Variants in TEX264 observed in about 807,000 individuals in gnomAD.
TEX264 encodes testis-expressed protein 264.
A neutral mutation model predicts 23.4 loss-of-function variants in TEX264; 13 were observed. The ratio of observed to expected loss-of-function variants is 0.56; its 90% CI spans 0.36 to 0.88. The LOEUF (loss-of-function observed/expected upper bound fraction) is 0.88. Ranked by LOEUF, TEX264 falls within the 40% of genes least tolerant of loss-of-function variation. The probability of loss-of-function intolerance (pLI) is 0.01; values close to 1 mark genes in which losing one functional copy is unlikely to be tolerated. For synonymous variants in TEX264, 159 were observed against 170.0 expected, an observed-to-expected ratio of 0.94 and a Z score of 0.50; for missense variants, 340 against 406.8, an observed-to-expected ratio of 0.84 and a Z score of 1.41.
chr3:51,703,144 C>A lies in TEX264; in HGVS notation c.650-580C>A, dbSNP rs1559686103. ...CCTCGTACTTCAGCTCCCTCCTCAACTGGGACTTGGTGTGTACCAGAGGCA... is the reference window on the plus strand; with the variant it reads ...CCTCGTACTTCAGCTCCCTCCTCAAATGGGACTTGGTGTGTACCAGAGGCA... On this transcript the variant is annotated intron_variant, in intron 4 of 4. Coordinates refer to ENST00000341333, the MANE Select transcript of TEX264 (RefSeq NM_015926.6). This position sits in a 1 kb window ranked among gnomAD's most constrained non-coding sequence, Gnocchi z 4.8. Among the ~76,000 whole-genome samples, 1 of 152,236 alleles carries A rather than the reference C, an allele frequency of 6.6e-6. No individual in the cohort carries two copies. The highest frequency in any genetic ancestry group is 2.4e-5 in the African/African-American group (1 of 41,470).
At chr3:51,701,322 CT>C (rs398062322) in intron 4 of TEX264, among the ~76,000 whole-genome samples, 116 of 143,510 alleles carry the variant, frequency 8.1e-4, no homozygotes, top group Middle Eastern at 3.6e-3. Context: ...TATTGCATTC[CT>C]TTTTTTTTTT....
chr3:51,693,947 T>C (rs1197395627), intron 3 of TEX264, among the ~76,000 whole-genome samples: 1 of 152,094 alleles, frequency 6.6e-6, no homozygotes, highest in Non-Finnish European at 1.5e-5. Context: ...TCCTTTCCAG[T>C]TCCTCACTTC....
rs758436907 is a variant in TEX264, at chr3:51,703,815, G to C, written c.741G>C (p.Ala247=). 1 of 1,612,138 alleles carries C rather than the reference G, an allele frequency of 6.2e-7. No homozygotes were observed. The highest frequency in any genetic ancestry group is 8.5e-7 in the Non-Finnish European group (1 of 1,178,648). The change falls in exon 5 of 5, where the codon GCG becomes GCC. Residue 247 remains alanine, a synonymous_variant. Transcript: ENST00000341333. The surrounding 1 kb of genome is among the most constrained non-coding windows in gnomAD (Gnocchi z 4.8). ...CAGCTGCCACACTGTCACCTGGGGCGAGCAGCCGTGGCTGGGATGACGGTG... is the reference window on the plus strand; with the variant it reads ...CAGCTGCCACACTGTCACCTGGGGCCAGCAGCCGTGGCTGGGATGACGGTG... The part of the protein sequence containing the change: ...ETSAATLSPG[A]SSRGWDDGDT...
chr3:51,694,085 G>GTCCTTCCTTCCTTCCTTCCTTCCT (rs60670569), intron 3 of TEX264, among the ~76,000 whole-genome samples: 37 of 85,324 alleles, frequency 4.3e-4, no homozygotes, highest in Non-Finnish European at 6.6e-4. Context: ...CCTTCCGTCC[G>GTCCTTCCTTCCTTCCTTCCTTCCT]TCCTTCCTTC....
chr3:51,704,178 CT>C lies in TEX264; in HGVS notation c.*165del. ...CTTGCTAAGCCTTCTCCTCACTGCC[CT>C]TTAGGCTCCCAGGGCCAGAGGAGCC... On this transcript the variant is annotated 3_prime_UTR_variant, in exon 5 of 5. Transcript: ENST00000341333. 1 of 588,990 alleles carries C rather than the reference CT, an allele frequency of 1.7e-6. No homozygotes were observed. The highest frequency in any genetic ancestry group is 2.5e-6 in the Non-Finnish European group (1 of 396,096). The allele number at this position is 588,990 out of a possible 1,614,324, so 36.5% of individuals were successfully genotyped here.
chr3:51,703,800 A>T lies in TEX264; in HGVS notation c.726A>T (p.Thr242=). The change falls in exon 5 of 5, where the codon ACA becomes ACT. Residue 242 remains threonine, a synonymous_variant. Transcript: ENST00000341333. The surrounding 1 kb of genome is among the most constrained non-coding windows in gnomAD (Gnocchi z 4.8). The part of the protein sequence containing the change: ...SPGSRETSAA[T]LSPGASSRGW... ...GCAGCCGGGAGACTTCAGCTGCCAC[A>T]CTGTCACCTGGGGCGAGCAGCCGTG... The T allele has an allele frequency of 6.2e-7, 1 of 1,610,124 alleles. No homozygotes were observed. Among genetic ancestry groups the T allele is most frequent in the Non-Finnish European group, 8.5e-7 (1 of 1,176,872 alleles).
intron 3 of TEX264, among the ~76,000 whole-genome samples, chr3:51,693,175 C>A (rs116256490): frequency 1.3e-3 from 202 of 152,330 alleles, no homozygotes; most frequent in African/African-American, 4.8e-3. Context: ...TGCGTCGTGC[C>A]AGGGAGATGA....
At chr3:51,694,671 T>C (rs1001321057) in intron 3 of TEX264, 5 of 152,230 alleles carry the variant, frequency 3.3e-5, no homozygotes, top group Non-Finnish European at 7.3e-5. Context: ...CTGCCTGGGG[T>C]GCTCTCTGCC....
In TEX264 at chr3:51,696,409, A is replaced by G. The variant is rs141427440; in HGVS notation, c.481-2997A>G. ...AGGCAGCTGGCCTCGCCTTCCTCCA[A>G]TGATTTTCCAATATTTACTGGCTCA... On this transcript the variant is annotated intron_variant, in intron 3 of 4. Coordinates refer to ENST00000341333, the MANE Select transcript of TEX264 (RefSeq NM_015926.6). Among the ~76,000 whole-genome samples the G allele has an allele frequency of 5.9e-3, 899 of 152,270 alleles. 10 individuals carry two copies. Among genetic ancestry groups the G allele is most frequent in the African/African-American group, 0.02 (839 of 41,548 alleles).
In TEX264 at chr3:51,677,838, G is replaced by C. The variant is rs1702282726; in HGVS notation, c.258+3276G>C. Among the ~76,000 whole-genome samples the C allele has an allele frequency of 2.0e-5, 3 of 152,188 alleles. No individual in the cohort carries two copies. In the South Asian group the frequency reaches 6.2e-4, roughly 32 times the overall value. On this transcript the variant is annotated intron_variant, in intron 2 of 4. Transcript: ENST00000341333. Reference sequence around the variant, plus strand: ...AAGAGGCTGCAGGTCTGGGTGAGTGGTTCTTGTGAGGCAGGAGGAAGGATT... The same window carrying C: ...AAGAGGCTGCAGGTCTGGGTGAGTGCTTCTTGTGAGGCAGGAGGAAGGATT...
At chr3:51,696,848 A>G (rs1703077259) in intron 3 of TEX264, among the ~76,000 whole-genome samples, 2 of 152,178 alleles carry the variant, frequency 1.3e-5, no homozygotes, top group Non-Finnish European at 2.9e-5. Flanking sequence ...AATTAGCTCC[A>G]TGCCTCCCTC....
intron 3 of TEX264, among the ~76,000 whole-genome samples, chr3:51,697,034 GT>G (rs995636668): frequency 6.6e-6 from 1 of 152,218 alleles, no homozygotes; most frequent in African/African-American, 2.4e-5. Context: ...CAGGGCCACA[GT>G]TTTCTCTCCA....
At position 51,686,554 on chromosome 3, in the gene TEX264, C is replaced by CA. The variant is rs1008080636; in HGVS notation, c.480+1921dup. 1.3e-5 allele frequency among the ~76,000 whole-genome samples: 2 copies of CA among 151,976 alleles called. No individual in the cohort carries two copies. The highest frequency in any genetic ancestry group is 4.8e-5 in the African/African-American group (2 of 41,346). ...GAAGACCTGGAAAGGGGAGGGCTGT[C>CA]ACGGTGATAAGGCAAGGGCACAGGG... On this transcript the variant is annotated intron_variant, in intron 3 of 4. Transcript: ENST00000341333. This position sits in a 1 kb window ranked among gnomAD's most constrained non-coding sequence, Gnocchi z 4.1.
chr3:51,690,389 G>A (rs934659868), intron 3 of TEX264, among the ~76,000 whole-genome samples: 3 of 152,100 alleles, frequency 2.0e-5, no homozygotes, highest in Non-Finnish European at 2.9e-5. Context: ...AAAATCAGCT[G>A]GGCTTGGTGG....
Position 51,674,404 on chromosome 3 carries a change from G to A in TEX264, c.100G>A (p.Val34Met), listed in dbSNP as rs1702159525. ...FAGYSGLLAG[V>M]EVSAGSPPIR... The stretch of plus-strand genomic sequence containing the variant: ...CGGGTACTCAGGGCTACTGGCTGGG[G>A]TGGAAGTGAGTGCTGGGTCACCCCC... The change falls in exon 2 of 5, where the codon GTG becomes ATG. Residue 34 changes from valine to methionine, a missense_variant. Physicochemically the swap from Val to Met is conservative, Grantham distance 21 (BLOSUM62 1). Coordinates refer to ENST00000341333, the MANE Select transcript of TEX264 (RefSeq NM_015926.6). 1 of 1,614,246 alleles carries A rather than the reference G, an allele frequency of 6.2e-7. No homozygotes were observed. The highest frequency in any genetic ancestry group is 8.5e-7 in the Non-Finnish European group (1 of 1,180,050).
intron 2 of TEX264, chr3:51,682,700 A>G (rs982915795): frequency 3.9e-5 from 6 of 152,220 alleles, no homozygotes; most frequent in African/African-American, 1.4e-4. Context: ...GTCTAGAATC[A>G]CACGACTCAG....
intron 2 of TEX264, among the ~76,000 whole-genome samples, chr3:51,680,037 G>A (rs912972034): frequency 3.3e-5 from 5 of 152,154 alleles, no homozygotes; most frequent in Non-Finnish European, 1.5e-5. Context: ...TATTCCCTTG[G>A]GAGTACAAGT....
intron 2 of TEX264, chr3:51,681,508 G>A (rs1416972175): frequency 6.6e-6 from 1 of 152,388 alleles, no homozygotes; most frequent in East Asian, 1.9e-4. Flanking sequence ...GTTGAGCTGA[G>A]TCTTGCAGGA....
rs1172473678 is a variant in TEX264 at position 51,703,512 on chromosome 3, C to T, written c.650-212C>T. Among the ~76,000 whole-genome samples, 2 of 148,882 alleles carry T rather than the reference C, an allele frequency of 1.3e-5. No individual in the cohort carries two copies. Among genetic ancestry groups the T allele is most frequent in the South Asian group, 2.2e-4 (1 of 4,616 alleles). On this transcript the variant is annotated intron_variant, in intron 4 of 4. Coordinates refer to ENST00000341333, the MANE Select transcript of TEX264 (RefSeq NM_015926.6). This position sits in a 1 kb window ranked among gnomAD's most constrained non-coding sequence, Gnocchi z 4.8. Reference sequence around the variant, plus strand: ...CTCCTCCCACCCTCTCTCCCTCCCTCCCTCCTTCCCTCCCTCCCTTCCTCC... The same window carrying T: ...CTCCTCCCACCCTCTCTCCCTCCCTTCCTCCTTCCCTCCCTCCCTTCCTCC...
Sources: gnomAD v4.1 joint callset for allele counts (sites outside exome capture counted in the v4.1 genomes callset) on GRCh38, gnomAD v4.1.1 for gene constraint, Gnocchi (gnomAD v3.1) non-coding constraint, MANE v1.5 for transcripts, NCBI Gene and HGNC (gene_info 2026-07-23, HGNC 2026-07-21) for gene names.